The following RIT2 variants were observed in gnomAD, a reference collection of about 807,000 sequenced individuals.
RIT2 encodes Ras like without CAAX 2.
A neutral mutation model predicts 23.7 loss-of-function variants in RIT2; 24 were observed. The ratio of observed to expected loss-of-function variants is 1.01; its 90% CI spans 0.73 to 1.43. The LOEUF (loss-of-function observed/expected upper bound fraction) is 1.43, where lower values mean the gene tolerates loss of function less well. Among genes scored for constraint, RIT2 ranks in the 40% most tolerant of loss-of-function variants. RIT2 has a pLI of 0.00. For missense variants in RIT2, 236 were observed against 266.9 expected (o/e 0.88, Z 0.81); for synonymous variants, 107 against 91.1 (o/e 1.17, Z -0.99).
intron 4 of RIT2, among the ~76,000 whole-genome samples, chr18:42,863,670 A>T (rs1297277455): frequency 6.6e-6 from 1 of 152,140 alleles, no homozygotes; most frequent in Non-Finnish European, 1.5e-5. Flanking sequence ...CTTTCTCTGA[A>T]TTAACTCCTA....
At chr18:42,965,398 A>G (rs141354364) in intron 3 of RIT2, among the ~76,000 whole-genome samples, 4,510 of 152,276 alleles carry the variant, frequency 0.03, 99 homozygotes, top group Non-Finnish European at 0.05. Context: ...CTTATTCTTA[A>G]CTGTGCCTCT....
intron 3 of RIT2, among the ~76,000 whole-genome samples, chr18:42,924,238 G>A (rs1014784177): frequency 2.0e-5 from 3 of 151,994 alleles, no homozygotes; most frequent in African/African-American, 7.2e-5. Context: ...GGAATCTGGG[G>A]GAACAAATTT....
intron 4 of RIT2, among the ~76,000 whole-genome samples, chr18:42,815,944 G>T (rs919297930): frequency 6.6e-6 from 1 of 152,086 alleles, no homozygotes; most frequent in Non-Finnish European, 1.5e-5. Context: ...TGTTGAAAAC[G>T]TCATTAATTA....
intron 4 of RIT2, among the ~76,000 whole-genome samples, chr18:42,769,707 A>C (rs1913503949): frequency 6.6e-6 from 1 of 151,974 alleles, no homozygotes; most frequent in Admixed American, 6.6e-5. Context: ...TTCCCTGTGA[A>C]ATATGATTAT....
chr18:43,088,924 A>C (rs1051093038), intron 1 of RIT2, among the ~76,000 whole-genome samples: 5 of 152,180 alleles, frequency 3.3e-5, no homozygotes, highest in Non-Finnish European at 5.9e-5. Flanking sequence ...TTTATCATTG[A>C]TTATTTTGGA....
intron 3 of RIT2, among the ~76,000 whole-genome samples, chr18:42,969,942 C>T (rs1910323861): frequency 6.6e-6 from 1 of 151,770 alleles, no homozygotes; most frequent in East Asian, 1.9e-4. Flanking sequence ...TCTTCACTTC[C>T]CCAAACCTCA....
rs538010188 is a variant in RIT2 at position 43,115,668 on chromosome 18, C to T, written c.-149G>A. 31 of 1,163,638 alleles carry T rather than the reference C, an allele frequency of 2.7e-5. 1 individual carries two copies. In the South Asian group the frequency reaches 4.1e-4, roughly 15 times the overall value. The allele number at this position is 1,163,638 out of a possible 1,614,324, so 72.1% of individuals were successfully genotyped here. A position where few individuals can be genotyped will look rare whatever the true frequency, so the allele number is the denominator to read the frequency against. ...AGCGTCGGGCTGGCTGCTGGTCCTCCGCTCGAGCGGGTCTCATAGCAACCA... is the reference window on the plus strand; with the variant it reads ...AGCGTCGGGCTGGCTGCTGGTCCTCTGCTCGAGCGGGTCTCATAGCAACCA... On this transcript the variant is annotated 5_prime_UTR_variant, in exon 1 of 5. Transcript: ENST00000326695.
At chr18:42,988,770 A>T (rs575644376) in intron 2 of RIT2, among the ~76,000 whole-genome samples, 13 of 152,310 alleles carry the variant, frequency 8.5e-5, no homozygotes, top group Admixed American at 5.9e-4. Flanking sequence ...CAGGAATGAT[A>T]AAAGGGAAAT....
chr18:42,901,215 G>T (rs563923529), intron 4 of RIT2, among the ~76,000 whole-genome samples: 1 of 152,118 alleles, frequency 6.6e-6, no homozygotes, highest in South Asian at 2.1e-4. Context: ...TTAATATTAT[G>T]TGTAAGAAAA....
chr18:42,965,045 A>G (rs1459685633), intron 3 of RIT2, among the ~76,000 whole-genome samples: 1 of 152,200 alleles, frequency 6.6e-6, no homozygotes. Flanking sequence ...CTCTTAATCA[A>G]CTGGTACATC....
intron 4 of RIT2, among the ~76,000 whole-genome samples, chr18:42,898,034 T>G (rs1361523913): frequency 1.3e-5 from 2 of 152,128 alleles, no homozygotes; most frequent in African/African-American, 4.8e-5. Flanking sequence ...CTATTGAGAC[T>G]CCAGAGAGAA....
At chr18:42,769,126 A>C (rs887042991) in intron 4 of RIT2, among the ~76,000 whole-genome samples, 2 of 152,172 alleles carry the variant, frequency 1.3e-5, no homozygotes, top group African/African-American at 2.4e-5. Context: ...AAGATTGTGA[A>C]GTGTTTCTAC....
chr18:42,838,083 A>C (rs1009388645), intron 4 of RIT2, among the ~76,000 whole-genome samples: 7 of 152,164 alleles, frequency 4.6e-5, no homozygotes, highest in Admixed American at 6.5e-5. Context: ...ATCCCACTAC[A>C]AAATCGGATT....
chr18:42,998,006 T>C (rs537924187), intron 2 of RIT2, among the ~76,000 whole-genome samples: 1 of 152,180 alleles, frequency 6.6e-6, no homozygotes, highest in East Asian at 1.9e-4. Flanking sequence ...CACAGAACAA[T>C]GTAGCTTGCA....
intron 4 of RIT2, among the ~76,000 whole-genome samples, chr18:42,818,167 A>G (rs1490314377): frequency 6.6e-6 from 1 of 152,076 alleles, no homozygotes; most frequent in African/African-American, 2.4e-5. Context: ...TGAAAACAAT[A>G]AAGTATGTTA....
chr18:43,050,992 C>A (rs958404397), intron 1 of RIT2, among the ~76,000 whole-genome samples: 1 of 152,050 alleles, frequency 6.6e-6, no homozygotes, highest in Non-Finnish European at 1.5e-5. Flanking sequence ...ATTAATCCAA[C>A]CTAAAAGGTG....
intron 1 of RIT2, among the ~76,000 whole-genome samples, chr18:43,076,116 C>T (rs1913007698): frequency 6.6e-6 from 1 of 152,174 alleles, no homozygotes; most frequent in African/African-American, 2.4e-5. Flanking sequence ...TCAATTTCCT[C>T]AGCTTTATAC....
intron 4 of RIT2, among the ~76,000 whole-genome samples, chr18:42,824,674 T>A (rs1438710057): frequency 6.6e-6 from 1 of 151,988 alleles, no homozygotes; most frequent in African/African-American, 2.4e-5. Context: ...AGTGGGATTT[T>A]AATAAGGATA....
At chr18:42,763,406 G>C (rs990854676) in intron 4 of RIT2, among the ~76,000 whole-genome samples, 6 of 150,772 alleles carry the variant, frequency 4.0e-5, no homozygotes, top group Non-Finnish European at 5.9e-5. Flanking sequence ...AGCTTGCAGG[G>C]AGCCGAGATT....
Sources: gnomAD v4.1 joint callset for allele counts (sites outside exome capture counted in the v4.1 genomes callset) on GRCh38, gnomAD v4.1.1 for gene constraint, MANE v1.5 for transcripts, NCBI Gene and HGNC (gene_info 2026-07-23, HGNC 2026-07-21) for gene names.